PDE10A: variants seen among roughly 807,000 people sequenced by gnomAD.
The protein encoded by PDE10A is phosphodiesterase 10A, also known as cAMP and cAMP-inhibited cGMP 3',5'-cyclic phosphodiesterase 10A.
PDE10A carries 39 observed loss-of-function variants against 97.7 expected under a neutral mutation model. The observed-to-expected ratio is 0.40, with a 90% CI of 0.31 to 0.52. PDE10A has a LOEUF of 0.52. PDE10A is among the 20% of genes least tolerant of loss of function. PDE10A has a pLI of 0.56. For missense variants in PDE10A, 731 were observed against 1,047.8 expected, an observed-to-expected ratio of 0.70 and a Z score of 4.17; for synonymous variants, 371 against 376.8, an observed-to-expected ratio of 0.98 and a Z score of 0.18.
At chr6:165,584,038 C>G (rs1400456641) in intron 1 of PDE10A, among the ~76,000 whole-genome samples, 1 of 152,172 alleles carries the variant, frequency 6.6e-6, no homozygotes, top group Non-Finnish European at 1.5e-5. Flanking sequence ...AAAGTACTGG[C>G]TGGGGTGATT....
rs1484880587 is a variant in PDE10A, at chr6:165,328,649, G to A, written c.*4376C>T. ...GGTTGAGAAGAGAAACATCAAGTGA[G>A]GACAGCATTGCTTCTTCGGATGTTA... On this transcript the variant is annotated 3_prime_UTR_variant, in exon 22 of 22. Transcript: ENST00000539869. The A allele has an allele frequency of 6.6e-6, 1 of 152,220 alleles. No homozygotes were observed. The highest frequency in any genetic ancestry group is 1.5e-5 in the Non-Finnish European group (1 of 68,036). 9.4% of individuals were successfully genotyped at this position (152,220 alleles called of 1,614,324 possible).
intron 1 of PDE10A, among the ~76,000 whole-genome samples, chr6:165,646,184 T>C (rs532551947): frequency 3.5e-4 from 54 of 152,340 alleles, no homozygotes; most frequent in African/African-American, 1.2e-3. Context: ...CGTTCATTTA[T>C]AGACCTTGTC....
chr6:165,972,463 T>A (rs897291238), intron 1 of PDE10A, among the ~76,000 whole-genome samples: 1 of 152,072 alleles, frequency 6.6e-6, no homozygotes, highest in Non-Finnish European at 1.5e-5. Flanking sequence ...CGAAAAAAAA[T>A]TATTTGTGAA....
At chr6:165,715,186 C>T (rs970113433) in intron 1 of PDE10A, among the ~76,000 whole-genome samples, 4 of 152,250 alleles carry the variant, frequency 2.6e-5, no homozygotes, top group African/African-American at 7.2e-5. Flanking sequence ...TGCACCCAGA[C>T]GGGCCTGCGC....
intron 2 of PDE10A, among the ~76,000 whole-genome samples, chr6:165,525,723 G>A (rs1244626726): frequency 1.3e-5 from 2 of 152,168 alleles, no homozygotes; most frequent in Non-Finnish European, 2.9e-5. Context: ...CAAGGTGGCA[G>A]GGGCCAAGTG....
chr6:165,943,275 GA>G (rs1160869596), intron 1 of PDE10A, among the ~76,000 whole-genome samples: 3 of 112,910 alleles, frequency 2.7e-5, no homozygotes, highest in Admixed American at 8.4e-5. Flanking sequence ...AGGAAGGAAG[GA>G]AAGAAAGAAA....
At chr6:165,922,596 C>T (rs1739451261) in intron 1 of PDE10A, among the ~76,000 whole-genome samples, 1 of 152,064 alleles carries the variant, frequency 6.6e-6, no homozygotes. Context: ...CAAACAATGA[C>T]CCCCTTTTTT....
At chr6:165,943,254 GGAAGGAAGGAAGGAAGGAAGGAAA>G (rs1177767477) in intron 1 of PDE10A, among the ~76,000 whole-genome samples, 3 of 71,682 alleles carry the variant, frequency 4.2e-5, no homozygotes, top group African/African-American at 2.3e-4. Flanking sequence ...AAGGAAGGAA[GGAAGGAAGGAAGGAAGGAAGGAAA>G]GAAAGAAAGA....
At chr6:165,384,702 A>T (rs572166781) in intron 17 of PDE10A, among the ~76,000 whole-genome samples, 1 of 147,456 alleles carries the variant, frequency 6.8e-6, no homozygotes, top group Non-Finnish European at 1.5e-5. Context: ...TAGCTTTTCA[A>T]GTCTATTGTA....
intron 1 of PDE10A, among the ~76,000 whole-genome samples, chr6:165,570,189 GCT>G (rs983166757): frequency 6.6e-6 from 1 of 152,106 alleles, no homozygotes; most frequent in Non-Finnish European, 1.5e-5. Flanking sequence ...GCAAACTAAT[GCT>G]CTCCTTTCTG....
chr6:165,619,491 A>G (rs1373759826), intron 1 of PDE10A, among the ~76,000 whole-genome samples: 1 of 128,316 alleles, frequency 7.8e-6, no homozygotes, highest in Non-Finnish European at 1.6e-5. Flanking sequence ...AGTGTAGTCT[A>G]GTGTAGTCTA....
intron 1 of PDE10A, among the ~76,000 whole-genome samples, chr6:165,679,642 A>G (rs1352447936): frequency 6.6e-6 from 1 of 152,178 alleles, no homozygotes; most frequent in Admixed American, 6.5e-5. Flanking sequence ...CTTTGGAAAA[A>G]TAGATACAGT....
At chr6:165,960,669 G>A (rs1402520347) in intron 1 of PDE10A, among the ~76,000 whole-genome samples, 2 of 152,324 alleles carry the variant, frequency 1.3e-5, no homozygotes, top group Non-Finnish European at 2.9e-5. Context: ...TGTACGGCAA[G>A]GGACGTGAGT....
chr6:165,930,346 G>A (rs1332095498), intron 1 of PDE10A, among the ~76,000 whole-genome samples: 1 of 152,242 alleles, frequency 6.6e-6, no homozygotes, highest in Non-Finnish European at 1.5e-5. Context: ...AGTGGCCCAA[G>A]AGAAGAGAGA....
chr6:165,726,569 G>C (rs1248481034), intron 1 of PDE10A, among the ~76,000 whole-genome samples: 1 of 151,966 alleles, frequency 6.6e-6, no homozygotes, highest in Non-Finnish European at 1.5e-5. Context: ...GAGCCACGAT[G>C]CCCGCTCCCC....
At chr6:165,606,489 A>T (rs1016480828) in intron 1 of PDE10A, among the ~76,000 whole-genome samples, 1 of 152,190 alleles carries the variant, frequency 6.6e-6, no homozygotes, top group African/African-American at 2.4e-5. Flanking sequence ...AGCGTGGGAA[A>T]GTGAGCGTCG....
In PDE10A at chr6:165,521,120, T is replaced by C. The variant is rs1366395618; in HGVS notation, c.994+22320A>G. On this transcript the variant is annotated intron_variant, in intron 2 of 21. Coordinates refer to ENST00000539869, the MANE Select transcript of PDE10A (RefSeq NM_001385079.1). ...AAATACTTTTTCATCATTATATCTG[T>C]TATAGTGATCTGTAATCAGTGATCT... Among the ~76,000 whole-genome samples, 3 of 152,202 alleles carry C rather than the reference T, an allele frequency of 2.0e-5. No individual in the cohort carries two copies. In the East Asian group the frequency reaches 5.8e-4, roughly 29 times the overall value.
intron 2 of PDE10A, among the ~76,000 whole-genome samples, chr6:165,510,434 T>C (rs1187753991): frequency 6.6e-6 from 1 of 152,082 alleles, no homozygotes; most frequent in Non-Finnish European, 1.5e-5. Context: ...TTTGCTAGTA[T>C]TTTGTTGAGG....
intron 1 of PDE10A, among the ~76,000 whole-genome samples, chr6:165,789,978 G>T (rs921609600): frequency 1.3e-5 from 2 of 152,150 alleles, no homozygotes; most frequent in East Asian, 1.9e-4. Context: ...AAAGAGAAAG[G>T]CCACATTTGG....
Sources: gnomAD v4.1 joint callset for allele counts (sites outside exome capture counted in the v4.1 genomes callset) on GRCh38, gnomAD v4.1.1 for gene constraint, MANE v1.5 for transcripts, NCBI Gene and HGNC (gene_info 2026-07-23, HGNC 2026-07-21) for gene names.